The following ATP10B variants were observed in gnomAD, a reference collection of about 807,000 sequenced individuals.
ATP10B encodes ATPase phospholipid transporting 10B (putative), also known as phospholipid-transporting ATPase VB.
A neutral mutation model predicts 141.2 loss-of-function variants in ATP10B; 122 were observed. That is an observed-to-expected ratio of 0.86 (90% CI 0.75 to 1.00). The LOEUF (loss-of-function observed/expected upper bound fraction) is 1.00. Ranked by LOEUF, ATP10B falls within the 50% of genes least tolerant of loss-of-function variation. The pLI, the probability that ATP10B is intolerant of heterozygous loss-of-function variation, is 0.00. For synonymous variants in ATP10B, 685 were observed against 692.0 expected (o/e 0.99, Z 0.16); for missense variants, 1,876 against 1,825.3 (o/e 1.03, Z -0.51).
At chr5:160,825,464 C>T (rs1774521244) in intron 1 of ATP10B, among the ~76,000 whole-genome samples, 1 of 152,210 alleles carries the variant, frequency 6.6e-6, no homozygotes, top group South Asian at 2.1e-4. Context: ...ACATGCCTTT[C>T]ACCTTCCACC....
At chr5:160,668,859 C>A (rs2127723112) in intron 7 of ATP10B, among the ~76,000 whole-genome samples, 1 of 152,272 alleles carries the variant, frequency 6.6e-6, no homozygotes, top group Admixed American at 6.5e-5. Context: ...TTCTGAGGAC[C>A]AAATCAATCA....
intron 2 of ATP10B, among the ~76,000 whole-genome samples, chr5:160,754,722 C>G (rs1473109926): frequency 6.6e-6 from 1 of 152,132 alleles, no homozygotes; most frequent in Non-Finnish European, 1.5e-5. Context: ...ACCAGCAGAA[C>G]CCTCCTAGTG....
At chr5:160,802,844 TC>T (rs1393809144) in intron 1 of ATP10B, among the ~76,000 whole-genome samples, 1 of 152,208 alleles carries the variant, frequency 6.6e-6, no homozygotes, top group African/African-American at 2.4e-5. Flanking sequence ...CTTCTTCTCA[TC>T]TTTCTCTTGC....
chr5:160,750,313 C>A (rs1379814687), intron 2 of ATP10B, among the ~76,000 whole-genome samples: 1 of 152,160 alleles, frequency 6.6e-6, no homozygotes, highest in East Asian at 1.9e-4. Context: ...AAGGCTTAAC[C>A]TGGCCTGACC....
chr5:160,647,498 G>A (rs774563704), intron 8 of ATP10B, among the ~76,000 whole-genome samples: 10 of 152,228 alleles, frequency 6.6e-5, no homozygotes, highest in Non-Finnish European at 1.0e-4. Context: ...GCTGAGTGAA[G>A]CTGGGAGAGT....
At chr5:160,874,754 C>CG in the ATP10B span, among the ~76,000 whole-genome samples, 6 of 151,258 alleles carry the variant, frequency 4.0e-5, no homozygotes, top group Non-Finnish European at 8.8e-5. Context: ...CCTCAGGAGC[C>CG]GATGCGATCA....
At chr5:160,700,612 A>G (rs1488437245) in intron 3 of ATP10B, among the ~76,000 whole-genome samples, 1 of 152,190 alleles carries the variant, frequency 6.6e-6, no homozygotes, top group Non-Finnish European at 1.5e-5. Flanking sequence ...TGTCTGAGTT[A>G]CTTTTTCATA....
chr5:160,820,586 A>C (rs1250728552), intron 1 of ATP10B, among the ~76,000 whole-genome samples: 4 of 152,132 alleles, frequency 2.6e-5, no homozygotes, highest in South Asian at 4.1e-4. Flanking sequence ...AAGACACAGC[A>C]AAAGAAGAAA....
chr5:160,721,189 G>A (rs1176621725), intron 2 of ATP10B, among the ~76,000 whole-genome samples: 1 of 152,194 alleles, frequency 6.6e-6, no homozygotes, highest in Admixed American at 6.5e-5. Flanking sequence ...CATGGACCAT[G>A]GTGCTCTGTC....
rs375742799 is a variant in ATP10B, at chr5:160,615,581, G to A, written c.2653+257C>T. ...AACATTTGAATGAAGGGAAGAGTGT[G>A]CTGTTGGAAAAGCAGCCAAACTCAG... is the stretch of plus-strand genomic sequence containing the variant. On this transcript the variant is annotated intron_variant, in intron 17 of 25. Transcript: ENST00000327245. Among the ~76,000 whole-genome samples the A allele has an allele frequency of 1.8e-4, 27 of 152,030 alleles. 2 individuals are homozygous for A. Among genetic ancestry groups the A allele is most frequent in the East Asian group, 1.2e-3 (6 of 5,168 alleles).
intron 1 of ATP10B, among the ~76,000 whole-genome samples, chr5:160,825,747 C>G (rs190991915): frequency 3.5e-4 from 53 of 152,034 alleles, no homozygotes; most frequent in Middle Eastern, 3.4e-3. Context: ...ATACTGTATC[C>G]AGGTAGTGAG....
At chr5:160,735,931 T>C (rs977324937) in intron 2 of ATP10B, among the ~76,000 whole-genome samples, 1 of 152,002 alleles carries the variant, frequency 6.6e-6, no homozygotes, top group African/African-American at 2.4e-5. Context: ...TAAAAAAAAT[T>C]CTTGAAACAA....
chr5:160,882,703 G>C, the ATP10B span, among the ~76,000 whole-genome samples: 1 of 151,970 alleles, frequency 6.6e-6, no homozygotes, highest in Non-Finnish European at 1.5e-5. Flanking sequence ...CAATTTAACA[G>C]GTAAATACCG....
chr5:160,788,612 C>T (rs1771342625), intron 1 of ATP10B, among the ~76,000 whole-genome samples: 1 of 152,152 alleles, frequency 6.6e-6, no homozygotes, highest in African/African-American at 2.4e-5. Context: ...AACTCCCTGC[C>T]TCTCTTCTCA....
At chr5:160,580,265 GC>G (rs1296284360) in intron 24 of ATP10B, among the ~76,000 whole-genome samples, 1 of 152,152 alleles carries the variant, frequency 6.6e-6, no homozygotes, top group African/African-American at 2.4e-5. Flanking sequence ...AATGTTTCCA[GC>G]TTTTGCCCAT....
Position 160,563,168 on chromosome 5 carries a change from A to T in ATP10B, c.*2285T>A, listed in dbSNP as rs1251598454. On this transcript the variant is annotated 3_prime_UTR_variant, in exon 26 of 26. Transcript: ENST00000327245. ...ATGTTTATTTTTAATAAAGGATGAC[A>T]TTTCCAATCAGTAAAATATCATAAA... 2 of 152,238 alleles carry T rather than the reference A, an allele frequency of 1.3e-5. No homozygotes were observed. Among genetic ancestry groups the T allele is most frequent in the Non-Finnish European group, 2.9e-5 (2 of 68,046 alleles). 9.4% of individuals were successfully genotyped at this position (152,238 alleles called of 1,614,324 possible). A position where few individuals can be genotyped will look rare whatever the true frequency, so the allele number is the denominator to read the frequency against.
At chr5:160,799,800 C>T (rs13175902) in intron 1 of ATP10B, among the ~76,000 whole-genome samples, 72,264 of 151,948 alleles carry the variant, frequency 0.48, 17,215 homozygotes, top group East Asian at 0.6. Context: ...ATTTAGAGTT[C>T]TCAGCGTATT....
upstream of ATP10B, among the ~76,000 whole-genome samples, chr5:160,856,611 C>G (rs1004455504): frequency 6.6e-6 from 1 of 151,648 alleles, no homozygotes; most frequent in Non-Finnish European, 1.5e-5. Flanking sequence ...TTAAGTCTGT[C>G]ACTAATAAGT....
At chr5:160,605,387 C>A (rs2127629985) in intron 19 of ATP10B, among the ~76,000 whole-genome samples, 1 of 152,266 alleles carries the variant, frequency 6.6e-6, no homozygotes, top group Non-Finnish European at 1.5e-5. Flanking sequence ...CAAATCCAAC[C>A]TTTAATCTCT....
Sources: allele counts gnomAD v4.1 joint callset (sites outside exome capture counted in the v4.1 genomes callset), GRCh38; gene constraint gnomAD v4.1.1; transcripts MANE v1.5; gene names NCBI Gene and HGNC (gene_info 2026-07-23, HGNC 2026-07-21).